Variants in ARK2N observed in about 807,000 individuals in gnomAD.
ARK2N encodes protein ARK2N.
the ARK2N span, among the ~76,000 whole-genome samples, chr18:46,203,775 T>C: frequency 6.6e-6 from 1 of 151,996 alleles, no homozygotes; most frequent in Admixed American, 6.6e-5. Context: ...TTAGTAGAGA[T>C]GGGGTTTTGC....
chr18:46,182,534 A>G, the ARK2N span, among the ~76,000 whole-genome samples: 1 of 152,152 alleles, frequency 6.6e-6, no homozygotes, highest in Non-Finnish European at 1.5e-5. Context: ...GCTTGAGCCC[A>G]GGAGTTTTAG....
chr18:46,248,482 A>G, the ARK2N span, among the ~76,000 whole-genome samples: 4 of 152,156 alleles, frequency 2.6e-5, no homozygotes, highest in African/African-American at 4.8e-5. Context: ...GGGTGAAAGT[A>G]TAGTGTTTTA....
chr18:46,205,718 G>A, the ARK2N span, among the ~76,000 whole-genome samples: 1 of 151,990 alleles, frequency 6.6e-6, no homozygotes, highest in Non-Finnish European at 1.5e-5. Flanking sequence ...GGGTTGTTTT[G>A]TTTTGTTTTA....
chr18:46,181,973 G>A, the ARK2N span, among the ~76,000 whole-genome samples: 1 of 152,164 alleles, frequency 6.6e-6, no homozygotes, highest in African/African-American at 2.4e-5. Context: ...GTGACCAGTA[G>A]AAGTTATTTT....
the ARK2N span, among the ~76,000 whole-genome samples, chr18:46,262,092 C>T: frequency 2.0e-5 from 3 of 152,212 alleles, no homozygotes; most frequent in Non-Finnish European, 2.9e-5. Flanking sequence ...GATGAGAGGA[C>T]ATAGCATTGA....
chr18:46,250,593 T>A, the ARK2N span, among the ~76,000 whole-genome samples: 1 of 151,708 alleles, frequency 6.6e-6, no homozygotes, highest in Admixed American at 6.6e-5. Context: ...TCTAACTGGT[T>A]TTGTTGCCTC....
the ARK2N span, among the ~76,000 whole-genome samples, chr18:46,224,155 C>T: frequency 6.6e-6 from 1 of 152,102 alleles, no homozygotes; most frequent in Non-Finnish European, 1.5e-5. Context: ...TATGTGTTAA[C>T]AGATGCCTTT....
chr18:46,190,766 T>C, the ARK2N span, among the ~76,000 whole-genome samples: 5 of 152,296 alleles, frequency 3.3e-5, no homozygotes, highest in East Asian at 7.7e-4. Context: ...GTTTTAATGC[T>C]AAGAAGCAAA....
chr18:46,228,820 C>T, the ARK2N span: 1 of 398,580 alleles, frequency 2.5e-6, no homozygotes, highest in East Asian at 3.6e-5. Context: ...ATCTGCACAC[C>T]TTGGCCTCTC....
chr18:46,250,260 T>G, the ARK2N span, among the ~76,000 whole-genome samples: 1 of 152,032 alleles, frequency 6.6e-6, no homozygotes, highest in Admixed American at 6.6e-5. Flanking sequence ...TGCTTGCAAG[T>G]CCTGCTATCA....
chr18:46,195,518 G>A, the ARK2N span, among the ~76,000 whole-genome samples: 17 of 143,530 alleles, frequency 1.2e-4, no homozygotes, highest in African/African-American at 3.4e-4. Flanking sequence ...CAAAGTGCTG[G>A]AATTACAGCT....
chr18:46,216,703 T>C, the ARK2N span: 1 of 995,142 alleles, frequency 1.0e-6, no homozygotes, highest in Non-Finnish European at 1.4e-6. This position sits in a 1 kb window ranked among gnomAD's most constrained non-coding sequence, Gnocchi z 4.3. Context: ...CCTGCAGCTC[T>C]GTGTAAATTT....
chr18:46,184,871 A>G, the ARK2N span, among the ~76,000 whole-genome samples: 2 of 152,242 alleles, frequency 1.3e-5, no homozygotes, highest in African/African-American at 4.8e-5. Context: ...GTGGTTATGT[A>G]GCCAAAGATA....
At chr18:46,205,698 T>G in the ARK2N span, among the ~76,000 whole-genome samples, 299 of 152,308 alleles carry the variant, frequency 2.0e-3, 1 homozygote, top group African/African-American at 7.0e-3. Context: ...TCTATATTTT[T>G]GAGACCTGTG....
the ARK2N span, among the ~76,000 whole-genome samples, chr18:46,230,993 G>T: frequency 2.0e-5 from 3 of 152,154 alleles, no homozygotes; most frequent in African/African-American, 7.2e-5. Context: ...CATCTTAAGA[G>T]AATTCAACCA....
At chr18:46,208,961 G>A in the ARK2N span, among the ~76,000 whole-genome samples, 2 of 152,252 alleles carry the variant, frequency 1.3e-5, no homozygotes, top group African/African-American at 2.4e-5. Context: ...TTACCAAAGG[G>A]TTATTCTAAT....
At chr18:46,178,245 T>C in the ARK2N span, among the ~76,000 whole-genome samples, 3 of 152,232 alleles carry the variant, frequency 2.0e-5, no homozygotes, top group Non-Finnish European at 4.4e-5. Context: ...GGTTGGGAAT[T>C]TTCTTCTTTT....
the ARK2N span, among the ~76,000 whole-genome samples, chr18:46,176,044 T>C: frequency 6.6e-6 from 1 of 152,254 alleles, no homozygotes; most frequent in African/African-American, 2.4e-5. Flanking sequence ...CTTTAGGTTC[T>C]AATTTAATGC....
At chr18:46,229,271 G>A in the ARK2N span, among the ~76,000 whole-genome samples, 192 of 151,978 alleles carry the variant, frequency 1.3e-3, 1 homozygote, top group Middle Eastern at 0.031. Context: ...CCTTTTCCAG[G>A]TAGTGCAATT....
Sources: allele counts gnomAD v4.1 joint callset (sites outside exome capture counted in the v4.1 genomes callset), GRCh38; gene constraint gnomAD v4.1.1; non-coding constraint Gnocchi (gnomAD v3.1); transcripts MANE v1.5; gene names NCBI Gene and HGNC (gene_info 2026-07-23, HGNC 2026-07-21).